The following RILPL1 variants were observed in gnomAD, a reference collection of about 807,000 sequenced individuals.
RILPL1 encodes the protein RILP-like protein 1.
A neutral mutation model predicts 50.3 loss-of-function variants in RILPL1; 33 were observed. That is an observed-to-expected ratio of 0.66 (90% confidence interval 0.50 to 0.88). RILPL1 has a LOEUF of 0.88. Ranked by LOEUF, RILPL1 falls within the 40% of genes least tolerant of loss-of-function variation. RILPL1 has a pLI of 0.00. For missense variants in RILPL1, 418 were observed against 542.5 expected (o/e 0.77, Z 2.28); for synonymous variants, 205 against 228.6 (o/e 0.90, Z 0.93).
At chr12:123,510,919 G>C (rs1263074219) in intron 2 of RILPL1, among the ~76,000 whole-genome samples, 2 of 114,882 alleles carry the variant, frequency 1.7e-5, no homozygotes, top group African/African-American at 5.8e-5. Flanking sequence ...TGTGAGGTCT[G>C]TGTGTGTGTG....
intron 4 of RILPL1, among the ~76,000 whole-genome samples, chr12:123,495,349 A>G (rs1329206665): frequency 6.6e-6 from 1 of 151,714 alleles, no homozygotes; most frequent in Non-Finnish European, 1.5e-5. Context: ...TACACAGTCA[A>G]TAAATTCGTT....
At chr12:123,507,049 T>C (rs1883793912) in intron 2 of RILPL1, among the ~76,000 whole-genome samples, 1 of 152,144 alleles carries the variant, frequency 6.6e-6, no homozygotes, top group South Asian at 2.1e-4. Flanking sequence ...TGAGAAGGAC[T>C]GACACCACCA....
chr12:123,510,456 A>C (rs911971371), intron 2 of RILPL1, among the ~76,000 whole-genome samples: 1 of 127,648 alleles, frequency 7.8e-6, no homozygotes, highest in Non-Finnish European at 1.7e-5. Flanking sequence ...GTGTGTGTGA[A>C]TGTGGGGTCT....
chr12:123,493,778 C>T (rs1882846082), intron 4 of RILPL1, among the ~76,000 whole-genome samples: 1 of 147,786 alleles, frequency 6.8e-6, no homozygotes, highest in African/African-American at 2.5e-5. Flanking sequence ...TCCTGAGGCC[C>T]TGCCTCTTTT....
chr12:123,521,893 C>G (rs1885081209), intron 2 of RILPL1, among the ~76,000 whole-genome samples: 1 of 151,792 alleles, frequency 6.6e-6, no homozygotes, highest in Non-Finnish European at 1.5e-5. Context: ...CTGCCTCAGC[C>G]TCCTGAGTAG....
At chr12:123,477,921 G>A (rs1436411040) in intron 6 of RILPL1, among the ~76,000 whole-genome samples, 1 of 150,886 alleles carries the variant, frequency 6.6e-6, no homozygotes, top group East Asian at 2.0e-4. Flanking sequence ...CCTTTTCAGG[G>A]GGTGACCAAT....
At chr12:123,488,230 G>A (rs1390927978) in intron 4 of RILPL1, among the ~76,000 whole-genome samples, 1 of 152,072 alleles carries the variant, frequency 6.6e-6, no homozygotes, top group Admixed American at 6.6e-5. Flanking sequence ...CTAGAACCCA[G>A]GAGATTCAGA....
intron 2 of RILPL1, among the ~76,000 whole-genome samples, chr12:123,521,573 ACACACATATGTG>A (rs1885014363): frequency 9.3e-4 from 16 of 17,278 alleles, no homozygotes; most frequent in Non-Finnish European, 3.0e-4. Context: ...TAATATATAT[ACACACATATGTG>A]TATATATATA....
intron 2 of RILPL1, among the ~76,000 whole-genome samples, chr12:123,500,847 G>A (rs941950974): frequency 2.0e-5 from 3 of 152,108 alleles, no homozygotes; most frequent in East Asian, 1.9e-4. Context: ...GCTCATGCCT[G>A]TAATGCCAGC....
At chr12:123,519,662 T>C (rs1884918927) in intron 2 of RILPL1, 1 of 152,284 alleles carries the variant, frequency 6.6e-6, no homozygotes, top group Non-Finnish European at 1.5e-5. Context: ...CCCAGGTCTG[T>C]TCCCCTAGCA....
rs999824936 is a variant in RILPL1 at position 123,491,044 on chromosome 12, C to T, written c.802-5239G>A. Reference sequence around the variant, plus strand: ...GGATTACAGGCGTGAGCCACCATGCCCGCCCTGACTTCTAATACTATTGCC... The same window carrying T: ...GGATTACAGGCGTGAGCCACCATGCTCGCCCTGACTTCTAATACTATTGCC... On this transcript the variant is annotated intron_variant, in intron 4 of 6. Transcript: ENST00000376874. This position sits in a 1 kb window ranked among gnomAD's most constrained non-coding sequence, Gnocchi z 4.0. 2.0e-5 allele frequency among the ~76,000 whole-genome samples: 3 copies of T among 152,208 alleles called. No individual in the cohort carries two copies. Among genetic ancestry groups the T allele is most frequent in the African/African-American group, 7.2e-5 (3 of 41,444 alleles).
intron 6 of RILPL1, among the ~76,000 whole-genome samples, chr12:123,482,910 C>T (rs1882088752): frequency 6.6e-6 from 1 of 152,164 alleles, no homozygotes; most frequent in Admixed American, 6.6e-5. Flanking sequence ...GCCCCAAGGG[C>T]ACCATTTTCT....
At chr12:123,530,306 T>C (rs764512923) in intron 1 of RILPL1, among the ~76,000 whole-genome samples, 1 of 152,084 alleles carries the variant, frequency 6.6e-6, no homozygotes, top group Non-Finnish European at 1.5e-5. Flanking sequence ...GCTGGGATTA[T>C]AGGCACTCGC....
intron 2 of RILPL1, among the ~76,000 whole-genome samples, chr12:123,500,799 A>G (rs1883331997): frequency 6.6e-6 from 1 of 152,100 alleles, no homozygotes; most frequent in African/African-American, 2.4e-5. Flanking sequence ...ATGAACAGAG[A>G]AAGGTTCTCT....
chr12:123,492,166 C>T (rs1330747287), intron 4 of RILPL1, among the ~76,000 whole-genome samples: 2 of 151,174 alleles, frequency 1.3e-5, no homozygotes, highest in South Asian at 2.1e-4. Context: ...GTGGAGGTTG[C>T]AGTGAACTGA....
rs369125203 is a variant in RILPL1, at chr12:123,514,785, C to A, written c.460+8710G>T. ...GCTGAATTAAATGATATACTATATG[C>A]TACTGAATTAAATGATATACTACAT... On this transcript the variant is annotated intron_variant, in intron 2 of 6. Coordinates refer to ENST00000376874, the MANE Select transcript of RILPL1 (RefSeq NM_178314.5). 3.3e-5 allele frequency among the ~76,000 whole-genome samples: 5 copies of A among 152,120 alleles called. No homozygotes were observed. In the South Asian group the frequency reaches 1.0e-3, roughly 32 times the overall value.
intron 2 of RILPL1, among the ~76,000 whole-genome samples, chr12:123,505,871 C>T (rs559046858): frequency 7.2e-5 from 11 of 152,298 alleles, no homozygotes; most frequent in African/African-American, 2.4e-4. Context: ...GCGATCTTCC[C>T]ACCTCGGCCT....
chr12:123,505,659 G>A (rs1475603960), intron 2 of RILPL1, among the ~76,000 whole-genome samples: 2 of 151,882 alleles, frequency 1.3e-5, no homozygotes, highest in Non-Finnish European at 2.9e-5. Context: ...CAGGGTCTCT[G>A]TCACCTAGGC....
intron 6 of RILPL1, among the ~76,000 whole-genome samples, chr12:123,481,097 C>T (rs1295537903): frequency 6.6e-6 from 1 of 152,166 alleles, no homozygotes; most frequent in Non-Finnish European, 1.5e-5. Context: ...TGGCTCACGC[C>T]TGTAATCCCA....
Sources: gnomAD v4.1 joint callset for allele counts (sites outside exome capture counted in the v4.1 genomes callset) on GRCh38, gnomAD v4.1.1 for gene constraint, Gnocchi (gnomAD v3.1) non-coding constraint, MANE v1.5 for transcripts, NCBI Gene and HGNC (gene_info 2026-07-23, HGNC 2026-07-21) for gene names.